Variants in MON2 observed in about 807,000 individuals in gnomAD.
MON2 encodes protein MON2 homolog.
A neutral mutation model predicts 208.6 loss-of-function variants in MON2; 84 were observed. The observed-to-expected ratio is 0.40, with a 90% CI of 0.34 to 0.48. The LOEUF (loss-of-function observed/expected upper bound fraction) is 0.48, where lower values mean the gene tolerates loss of function less well. MON2 is among the 20% of genes least tolerant of loss of function. The probability of loss-of-function intolerance (pLI) is 0.59; values close to 1 mark genes in which losing one functional copy is unlikely to be tolerated. For missense variants in MON2, 1,611 were observed against 2,015.4 expected (o/e 0.80, Z 3.84); for synonymous variants, 660 against 694.0 (o/e 0.95, Z 0.77).
Position 62,573,282 on chromosome 12 carries a change from G to A in MON2, c.4514+1700G>A, listed in dbSNP as rs184753531. Among the ~76,000 whole-genome samples the A allele has an allele frequency of 2.2e-4, 33 of 151,988 alleles. 1 individual carries two copies. The East Asian group carries it at 4.3e-3, about 20-fold the overall frequency. On this transcript the variant is annotated intron_variant, in intron 30 of 34. Transcript: ENST00000393630. ...CGTAGACATAAGAGCCTGAGTCACT[G>A]TTAATTTGTATCAAGCACATAGGTT...
In MON2 at chr12:62,501,704, C is replaced by T. The variant is rs1565621616; in HGVS notation, c.789+6C>T. ...TTCCGCAGGTCTTTTTACAAGTAAG[C>T]CATTTATAGTATCTTGTGACAAAGT... On this transcript the variant is annotated splice_donor_region_variant and intron_variant, in intron 7 of 34. Coordinates refer to ENST00000393630, the MANE Select transcript of MON2 (RefSeq NM_015026.3). 7.4e-6 allele frequency: 12 copies of T among 1,613,392 alleles called. No individual in the cohort carries two copies. Among genetic ancestry groups the T allele is most frequent in the South Asian group, 1.1e-5 (1 of 91,032 alleles).
chr12:62,474,778 C>T (rs1369060844), intron 1 of MON2, among the ~76,000 whole-genome samples: 1 of 152,178 alleles, frequency 6.6e-6, no homozygotes, highest in Non-Finnish European at 1.5e-5. Context: ...CATTTTCCCC[C>T]TATTTCAGTT....
In MON2 at chr12:62,501,214, C is replaced by T. The variant is rs1030949268; in HGVS notation, c.663+334C>T. 2.6e-5 allele frequency among the ~76,000 whole-genome samples: 4 copies of T among 151,960 alleles called. No homozygotes were observed. In the South Asian group the frequency reaches 8.3e-4, roughly 32 times the overall value. On this transcript the variant is annotated intron_variant, in intron 6 of 34. Transcript: ENST00000393630. ...GTAGTATAATTTGATACATAGATAC[C>T]TGATTTTTACATCACTTGTCATGAA...
At chr12:62,578,583 C>A in intron 31 of MON2, 78 bp downstream of exon 31, 2 of 879,576 alleles carry the variant, frequency 2.3e-6, no homozygotes, top group Non-Finnish European at 3.5e-6. Flanking sequence ...TATACAGTTG[C>A]TGAAAGAATA....
At chr12:62,521,859 C>T (rs1160594783) in intron 8 of MON2, among the ~76,000 whole-genome samples, 1 of 152,098 alleles carries the variant, frequency 6.6e-6, no homozygotes, top group Non-Finnish European at 1.5e-5. Context: ...CCACATATTC[C>T]TTAAACAAGT....
rs1478857798 is a variant in MON2, at chr12:62,598,709, TA to T, written c.*5961del. 1 of 152,220 alleles carries T rather than the reference TA, an allele frequency of 6.6e-6. No individual in the cohort carries two copies. The highest frequency in any genetic ancestry group is 2.4e-5 in the African/African-American group (1 of 41,462). The allele number at this position is 152,220 out of a possible 1,614,324, so 9.4% of individuals were successfully genotyped here. On this transcript the variant is annotated 3_prime_UTR_variant, in exon 35 of 35. Transcript: ENST00000393630. The stretch of plus-strand genomic sequence containing the variant: ...TACCACTGTTGTTACTCTTTCTCCT[TA>T]CAATTTTTATGTTGTTGAGATGTAT...
intron 32 of MON2, among the ~76,000 whole-genome samples, chr12:62,582,921 G>A (rs1264362626): frequency 6.6e-6 from 1 of 152,088 alleles, no homozygotes; most frequent in Non-Finnish European, 1.5e-5. Flanking sequence ...TGAAGAGAGA[G>A]TAAAAGAAAT....
intron 26 of MON2, among the ~76,000 whole-genome samples, chr12:62,561,860 GTGT>G (rs2074211196): frequency 6.6e-6 from 1 of 152,114 alleles, no homozygotes; most frequent in Non-Finnish European, 1.5e-5. Flanking sequence ...CATTTGTGTA[GTGT>G]AAATTAGATT....
chr12:62,512,517 G>C (rs373889705), intron 8 of MON2, among the ~76,000 whole-genome samples: 1 of 152,192 alleles, frequency 6.6e-6, no homozygotes, highest in African/African-American at 2.4e-5. Flanking sequence ...TCACACCGAT[G>C]CAAGAGGAGG....
chr12:62,514,626 C>G (rs1410623051), intron 8 of MON2, among the ~76,000 whole-genome samples: 1 of 152,150 alleles, frequency 6.6e-6, no homozygotes, highest in African/African-American at 2.4e-5. Context: ...CCCACTGGGT[C>G]CCTCCCAGAA....
chr12:62,524,052 C>T (rs535134766), intron 8 of MON2, among the ~76,000 whole-genome samples: 4 of 152,198 alleles, frequency 2.6e-5, no homozygotes, highest in African/African-American at 9.6e-5. Context: ...CTATAGGTTC[C>T]TCCTTATTTT....
chr12:62,499,185 G>T, intron 5 of MON2, 137 bp downstream of exon 5: 1 of 857,198 alleles, frequency 1.2e-6, no homozygotes, highest in Non-Finnish European at 1.7e-6. Context: ...CTCACAATTT[G>T]ATCCCCTGAG....
intron 32 of MON2, among the ~76,000 whole-genome samples, chr12:62,583,591 G>T (rs971962843): frequency 1.3e-5 from 2 of 151,850 alleles, no homozygotes; most frequent in Admixed American, 6.6e-5. Context: ...TGAAATATCA[G>T]AATACCTGGG....
rs945934390 is a variant in MON2, at chr12:62,505,568, A to G, written c.790-2718A>G. Among the ~76,000 whole-genome samples the G allele has an allele frequency of 6.0e-4, 91 of 152,224 alleles. 1 individual carries two copies. Among genetic ancestry groups the G allele is most frequent in the Non-Finnish European group, 2.1e-4 (14 of 68,012 alleles). On this transcript the variant is annotated intron_variant, in intron 7 of 34. Coordinates refer to ENST00000393630, the MANE Select transcript of MON2 (RefSeq NM_015026.3). ...AAGAAAGTTTCAAGATGAAGCAAGT[A>G]ATCAGTTATATCAGGTGGTTCACAG...
At chr12:62,516,473 G>A (rs1007673782) in intron 8 of MON2, among the ~76,000 whole-genome samples, 2 of 152,198 alleles carry the variant, frequency 1.3e-5, no homozygotes, top group African/African-American at 4.8e-5. Context: ...GGGAGGCCAA[G>A]GCGGCCAGAT....
chr12:62,475,385 C>A (rs1052466482), intron 1 of MON2, among the ~76,000 whole-genome samples: 2 of 151,490 alleles, frequency 1.3e-5, no homozygotes, highest in Non-Finnish European at 2.9e-5. Flanking sequence ...TACAGGCGCC[C>A]GCTATCATGC....
chr12:62,532,884 C>G (rs1165951408), intron 12 of MON2, among the ~76,000 whole-genome samples: 1 of 152,110 alleles, frequency 6.6e-6, no homozygotes, highest in Non-Finnish European at 1.5e-5. Context: ...TATTACTACC[C>G]TTTAATGCAT....
At chr12:62,545,129 A>G (rs2073425543) in intron 21 of MON2, 121 bp downstream of exon 21, 6 of 565,802 alleles carry the variant, frequency 1.1e-5, no homozygotes, top group Non-Finnish European at 1.8e-5. Flanking sequence ...TTAATATTCT[A>G]TTTTATATGT....
chr12:62,497,825 G>A (rs958640919), intron 4 of MON2, among the ~76,000 whole-genome samples: 1 of 151,950 alleles, frequency 6.6e-6, no homozygotes, highest in Admixed American at 6.6e-5. Flanking sequence ...CATGTTGGCC[G>A]GGCTGGCCTT....
Sources: allele counts gnomAD v4.1 joint callset (sites outside exome capture counted in the v4.1 genomes callset), GRCh38; gene constraint gnomAD v4.1.1; transcripts MANE v1.5; gene names NCBI Gene and HGNC (gene_info 2026-07-23, HGNC 2026-07-21).